Variants in TRIM71 observed in about 807,000 individuals in gnomAD.
The protein encoded by TRIM71 is E3 ubiquitin-protein ligase TRIM71.
A neutral mutation model predicts 61.2 loss-of-function variants in TRIM71; 9 were observed. That is an observed-to-expected ratio of 0.15 (90% CI 0.09 to 0.26). TRIM71 has a LOEUF of 0.26. Ranked by LOEUF, TRIM71 falls within the 10% of genes least tolerant of loss-of-function variation. The probability of loss-of-function intolerance (pLI) is 1.00; values close to 1 mark genes in which losing one functional copy is unlikely to be tolerated. For synonymous variants in TRIM71, 645 were observed against 553.2 expected (o/e 1.17, Z -2.33); for missense variants, 998 against 1,238.7 (o/e 0.81, Z 2.92).
chr3:32,843,671 G>T (rs973755927), intron 1 of TRIM71, among the ~76,000 whole-genome samples: 1 of 152,136 alleles, frequency 6.6e-6, no homozygotes, highest in African/African-American at 2.4e-5. Context: ...CTTAATGCCC[G>T]CCTGCGTGCT....
chr3:32,870,219 A>G (rs1559547538), intron 1 of TRIM71, among the ~76,000 whole-genome samples: 2 of 152,088 alleles, frequency 1.3e-5, no homozygotes, highest in Non-Finnish European at 2.9e-5. Flanking sequence ...TTCTGCTCCA[A>G]CTTTTAGCTG....
At chr3:32,840,943 C>T (rs1301806848) in intron 1 of TRIM71, among the ~76,000 whole-genome samples, 1 of 152,128 alleles carries the variant, frequency 6.6e-6, no homozygotes, top group African/African-American at 2.4e-5. Context: ...AGATTCTATC[C>T]CTTCCTCATT....
chr3:32,873,060 TCTTCCTCCCTCCCTCCCTCCCTCC>T (rs777663455), intron 1 of TRIM71, among the ~76,000 whole-genome samples: 15 of 96,156 alleles, frequency 1.6e-4, no homozygotes, highest in African/African-American at 2.1e-4. Flanking sequence ...CCCTTCTCTC[TCTTCCTCCCTCCCTCCCTCCCTCC>T]CTCCCTCCCT....
chr3:32,859,897 G>T (rs1224820996), intron 1 of TRIM71, among the ~76,000 whole-genome samples: 1 of 152,074 alleles, frequency 6.6e-6, no homozygotes, highest in Non-Finnish European at 1.5e-5. Flanking sequence ...TTTTTGCGGT[G>T]GGTGGGTTTA....
chr3:32,880,109 C>T (rs1465011356), intron 2 of TRIM71, among the ~76,000 whole-genome samples: 2 of 151,932 alleles, frequency 1.3e-5, no homozygotes, highest in Non-Finnish European at 2.9e-5. Context: ...AACGCAGTGA[C>T]AGATCTTGGC....
chr3:32,845,173 A>ATGCTG (rs929443851), intron 1 of TRIM71, among the ~76,000 whole-genome samples: 2 of 152,148 alleles, frequency 1.3e-5, no homozygotes, highest in African/African-American at 4.8e-5. Flanking sequence ...AAAACAGCTA[A>ATGCTG]TGCTGTGCTG....
intron 2 of TRIM71, among the ~76,000 whole-genome samples, chr3:32,875,095 A>G (rs1212656545): frequency 6.6e-6 from 1 of 152,230 alleles, no homozygotes; most frequent in Non-Finnish European, 1.5e-5. Context: ...TGCTGGGATT[A>G]CAGGCGTGAG....
At chr3:32,840,416 G>A (rs1453838246) in intron 1 of TRIM71, among the ~76,000 whole-genome samples, 2 of 152,114 alleles carry the variant, frequency 1.3e-5, no homozygotes, top group African/African-American at 4.8e-5. Flanking sequence ...AAAGACCCTC[G>A]AGATAAAGTT....
rs532420209 is a variant in TRIM71, at chr3:32,862,503, C to A, written c.853-11315C>A. On this transcript the variant is annotated intron_variant, in intron 1 of 3. Transcript: ENST00000383763. ...ACACTGTTGCCCGCTGTTTAAGAGG[C>A]GAGGACTGAGTTACATGGCCACCTA... 2.0e-5 allele frequency among the ~76,000 whole-genome samples: 3 copies of A among 152,272 alleles called. No homozygotes were observed. The South Asian group carries it at 6.2e-4, about 32-fold the overall frequency.
At chr3:32,838,814 T>G (rs1039540110) in intron 1 of TRIM71, among the ~76,000 whole-genome samples, 1 of 152,144 alleles carries the variant, frequency 6.6e-6, no homozygotes, top group Non-Finnish European at 1.5e-5. Context: ...TTTTTTTTCT[T>G]TGTTGAGACG....
chr3:32,819,015 A>ACCC (rs1696097771), intron 1 of TRIM71, 83 bp downstream of exon 1: 3 of 1,464,530 alleles, frequency 2.0e-6, no homozygotes, highest in African/African-American at 2.8e-5. Flanking sequence ...TCCCACAGCG[A>ACCC]GGGGAGGAGG....
rs1696824585 is a variant in TRIM71, at chr3:32,873,902, T to C, written c.937T>C (p.Tyr313His). The C allele has an allele frequency of 6.2e-7, 1 of 1,614,018 alleles. No homozygotes were observed. Among genetic ancestry groups the C allele is most frequent in the Non-Finnish European group, 8.5e-7 (1 of 1,179,926 alleles). Residue 313 changes from tyrosine to histidine, a missense_variant, in exon 2 of 4, where the codon TAC becomes CAC. By Grantham distance (83) the Tyr-to-His change is moderately conservative (BLOSUM62 2). This residue lies in a region of TRIM71 where 291 missense variants were observed against 431.2 expected (regional missense o/e 0.67). Transcript: ENST00000383763. ...MGRHGGHSFI[Y>H]LQEALQDSRA... ...CCGGCATGGGGGCCACAGCTTCATC[T>C]ACCTCCAGGAGGCACTGCAGGACTC...
chr3:32,891,068 G>T lies in TRIM71; in HGVS notation c.1864G>T (p.Val622Phe), dbSNP rs2125693628. ...TGTAGACAAGGAGGGCTACATCATT[G>T]TCGCCGACCGCAGCAACAACCGCAT... ...VSVDKEGYII[V>F]ADRSNNRIQV... The change falls in exon 4 of 4, where the codon GTC (valine) becomes TTC (phenylalanine). Residue 622 changes from valine to phenylalanine, a missense_variant. Transcript: ENST00000383763. The surrounding 1 kb of genome is among the most constrained non-coding windows in gnomAD (Gnocchi z 8.2). The T allele has an allele frequency of 6.2e-7, 1 of 1,612,218 alleles. No homozygotes were observed. The highest frequency in any genetic ancestry group is 2.2e-5 in the East Asian group (1 of 44,858).
chr3:32,850,515 C>T (rs76876162), intron 1 of TRIM71, among the ~76,000 whole-genome samples: 4 of 152,204 alleles, frequency 2.6e-5, no homozygotes, highest in African/African-American at 9.7e-5. Context: ...TGGCTCCCTC[C>T]AGGAATGGAA....
intron 1 of TRIM71, among the ~76,000 whole-genome samples, chr3:32,869,004 A>G (rs1159662875): frequency 6.6e-6 from 1 of 152,212 alleles, no homozygotes; most frequent in African/African-American, 2.4e-5. Flanking sequence ...TCAGTCAAGT[A>G]AAGCGTTGTT....
chr3:32,880,228 G>A (rs1371741526), intron 2 of TRIM71, among the ~76,000 whole-genome samples: 1 of 151,778 alleles, frequency 6.6e-6, no homozygotes, highest in African/African-American at 2.4e-5. Context: ...GTTTCACCAT[G>A]TTGCCCAGGC....
chr3:32,852,194 A>G (rs1265610033), intron 1 of TRIM71, among the ~76,000 whole-genome samples: 1 of 152,054 alleles, frequency 6.6e-6, no homozygotes, highest in Non-Finnish European at 1.5e-5. Context: ...CCATGAATGA[A>G]ATTGGGGACA....
At chr3:32,820,344 C>T (rs1035235529) in intron 1 of TRIM71, among the ~76,000 whole-genome samples, 3 of 152,232 alleles carry the variant, frequency 2.0e-5, no homozygotes, top group African/African-American at 7.2e-5. Context: ...AAATTCTAAT[C>T]TACTTGTTGT....
intron 2 of TRIM71, among the ~76,000 whole-genome samples, chr3:32,879,672 TA>T (rs34024813): frequency 0.26 from 37,978 of 147,618 alleles, 4,958 homozygotes; most frequent in Middle Eastern, 0.41. Flanking sequence ...TTCAATTTCT[TA>T]AAAAAAAAAA....
Sources: gnomAD v4.1 joint callset for allele counts (sites outside exome capture counted in the v4.1 genomes callset) on GRCh38, gnomAD v4.1.1 for gene constraint, gnomAD v4.1.1 regional missense constraint, Gnocchi (gnomAD v3.1) non-coding constraint, MANE v1.5 for transcripts, NCBI Gene and HGNC (gene_info 2026-07-23, HGNC 2026-07-21) for gene names.